Variants in CNTNAP3B observed in about 807,000 individuals in gnomAD.
The protein encoded by CNTNAP3B is contactin-associated protein-like 3B.
CNTNAP3B carries 25 observed loss-of-function variants against 108.9 expected under a neutral mutation model. The ratio of observed to expected loss-of-function variants is 0.23; its 90% CI spans 0.17 to 0.32. The LOEUF (loss-of-function observed/expected upper bound fraction) is 0.32. CNTNAP3B is among the 10% of genes least tolerant of loss of function. CNTNAP3B has a pLI of 1.00. For synonymous variants in CNTNAP3B, 103 were observed against 473.4 expected (o/e 0.22, Z 10.16); for missense variants, 252 against 1,210.4 (o/e 0.21, Z 11.75).
chr9:42,098,440 G>A (rs1471403521), intron 2 of CNTNAP3B, among the ~76,000 whole-genome samples: 10 of 115,980 alleles, frequency 8.6e-5, no homozygotes, highest in South Asian at 8.5e-4. Context: ...AAAATTAGCC[G>A]GGCATGGTGG....
chr9:41,973,121 T>C (rs1322267252), intron 9 of CNTNAP3B, among the ~76,000 whole-genome samples: 1 of 142,612 alleles, frequency 7.0e-6, no homozygotes, highest in Non-Finnish European at 1.5e-5. Flanking sequence ...TTTTTTGTAT[T>C]TTTTTTCAGT....
At chr9:41,935,229 T>C (rs1452333309) in intron 14 of CNTNAP3B, among the ~76,000 whole-genome samples, 1 of 152,286 alleles carries the variant, frequency 6.6e-6, no homozygotes, top group Non-Finnish European at 1.5e-5. Flanking sequence ...AACTGTCTGA[T>C]CATAAACTTT....
At chr9:41,915,926 C>T (rs1213468022) in intron 18 of CNTNAP3B, among the ~76,000 whole-genome samples, 2 of 151,228 alleles carry the variant, frequency 1.3e-5, no homozygotes, top group Non-Finnish European at 3.0e-5. Flanking sequence ...TTATATATAT[C>T]TTATCAATAA....
chr9:41,919,533 C>G (rs1436259395), intron 18 of CNTNAP3B, among the ~76,000 whole-genome samples: 2 of 152,312 alleles, frequency 1.3e-5, no homozygotes, highest in Non-Finnish European at 2.9e-5. Context: ...TAATGACTGT[C>G]AATATTTAAA....
At chr9:42,120,699 A>C (rs1258554035) in intron 1 of CNTNAP3B, among the ~76,000 whole-genome samples, 2 of 135,716 alleles carry the variant, frequency 1.5e-5, no homozygotes, top group African/African-American at 5.9e-5. Context: ...GGAAACCATC[A>C]TTCTCAGCAA....
chr9:42,121,277 G>A lies in CNTNAP3B; in HGVS notation c.85+7733C>T, dbSNP rs1265675295. ...ACCAGCTCAATGACACCCCCTTTTG[G>A]TGGATTTTTCTTCTCTATTCCATTC... is the stretch of plus-strand genomic sequence containing the variant. On this transcript the variant is annotated intron_variant, in intron 1 of 23. Coordinates refer to ENST00000377561, the MANE Select transcript of CNTNAP3B (RefSeq NM_001201380.3). Among the ~76,000 whole-genome samples the A allele has an allele frequency of 2.2e-5, 3 of 138,806 alleles. 1 individual carries two copies. Among genetic ancestry groups the A allele is most frequent in the African/African-American group, 5.7e-5 (2 of 34,812 alleles). 91.1% of individuals were successfully genotyped at this position (138,806 alleles called of 152,430 possible). A position where few individuals can be genotyped will look rare whatever the true frequency, so the allele number is the denominator to read the frequency against.
intron 1 of CNTNAP3B, among the ~76,000 whole-genome samples, chr9:42,124,796 C>T (rs1451739921): frequency 7.6e-6 from 1 of 130,934 alleles, no homozygotes; most frequent in Non-Finnish European, 1.6e-5. Flanking sequence ...CCAATTACAT[C>T]TTTGTCATTC....
chr9:41,933,721 G>A (rs1207608341), intron 14 of CNTNAP3B, among the ~76,000 whole-genome samples: 1 of 152,240 alleles, frequency 6.6e-6, no homozygotes, highest in Non-Finnish European at 1.5e-5. Flanking sequence ...TATCTGCCAG[G>A]TTTGTTTCTT....
At chr9:42,114,940 G>T (rs1408200326) in intron 1 of CNTNAP3B, among the ~76,000 whole-genome samples, 1 of 135,508 alleles carries the variant, frequency 7.4e-6, no homozygotes, top group African/African-American at 3.0e-5. Context: ...TGCAATCCCA[G>T]CTACTCGGGA....
rs1422732379 is a variant in CNTNAP3B, at chr9:42,128,606, G to A, written c.85+404C>T. Among the ~76,000 whole-genome samples the A allele has an allele frequency of 8.1e-5, 10 of 123,452 alleles. No individual in the cohort carries two copies. The East Asian group carries it at 2.0e-3, about 24-fold the overall frequency. The allele number at this position is 123,452 out of a possible 152,430, so 81.0% of individuals were successfully genotyped here. ...AAAACTGTAAGCTGCTAACATCTAA[G>A]TTGATGCAGTATGATGTAATGTCTG... On this transcript the variant is annotated intron_variant, in intron 1 of 23. Transcript: ENST00000377561.
chr9:42,076,406 A>G (rs1827491001), intron 3 of CNTNAP3B, among the ~76,000 whole-genome samples: 1 of 133,058 alleles, frequency 7.5e-6, no homozygotes, highest in Admixed American at 7.5e-5. Context: ...AGTCTGGGTG[A>G]TAACAGCGAA....
chr9:41,943,012 A>C (rs1405612798), intron 13 of CNTNAP3B, among the ~76,000 whole-genome samples: 136 of 152,322 alleles, frequency 8.9e-4, no homozygotes, highest in African/African-American at 3.2e-3. Flanking sequence ...CGAATCAAGC[A>C]AACATGCAGT....
intron 3 of CNTNAP3B, among the ~76,000 whole-genome samples, chr9:42,055,111 A>G (rs1331172908): frequency 1.4e-5 from 2 of 138,696 alleles, no homozygotes; most frequent in Admixed American, 7.2e-5. Flanking sequence ...TAAAATCACT[A>G]CTTATTATTA....
chr9:41,967,368 G>A lies in CNTNAP3B; in HGVS notation c.1649+2706C>T, dbSNP rs1049321901. On this transcript the variant is annotated intron_variant, in intron 10 of 23. Transcript: ENST00000377561. ...AGTTTCCCTGCACAGGTTCTCTTGC[G>A]TGCTGCCATATAAGACGTGTCTTGT... is the stretch of plus-strand genomic sequence containing the variant. Among the ~76,000 whole-genome samples, 16 of 151,942 alleles carry A rather than the reference G, an allele frequency of 1.1e-4. No individual in the cohort carries two copies. In the East Asian group the frequency reaches 1.6e-3, roughly 15 times the overall value.
rs751188007 is a variant in CNTNAP3B, at chr9:41,953,313, G to T, written c.1950C>A (p.His650Gln). Reference protein sequence around the residue: ...AVTLRGAPSGHPLSAVSFAYA... With the variant: ...AVTLRGAPSGQPLSAVSFAYA... The stretch of plus-strand genomic sequence containing the variant: ...ACGCGAAGGACACAGCCGAGAGCGG[G>T]TGCCCGCTGGGGGCACCTCGGAGGG... The change falls in exon 13 of 24, where the codon CAC (histidine) becomes CAA (glutamine). Residue 650 changes from histidine to glutamine, a missense_variant. Physicochemically the swap from His to Gln is conservative, Grantham distance 24. Transcript: ENST00000377561. The T allele has an allele frequency of 6.5e-7, 1 of 1,540,440 alleles. No individual in the cohort carries two copies. Among genetic ancestry groups the T allele is most frequent in the Middle Eastern group, 2.1e-4 (1 of 4,654 alleles).
chr9:41,972,860 G>A (rs1347659333), intron 9 of CNTNAP3B, among the ~76,000 whole-genome samples: 1 of 134,968 alleles, frequency 7.4e-6, no homozygotes, highest in South Asian at 2.5e-4. Flanking sequence ...TTCCAGTAAT[G>A]AATTATAGGA....
intron 18 of CNTNAP3B, among the ~76,000 whole-genome samples, chr9:41,915,638 G>C (rs575409608): frequency 1.4e-5 from 2 of 142,724 alleles, no homozygotes; most frequent in South Asian, 2.2e-4. Flanking sequence ...TATTGAGAAA[G>C]TTCCCTTCTA....
chr9:42,098,143 T>C (rs1827948215), intron 2 of CNTNAP3B, among the ~76,000 whole-genome samples: 1 of 139,298 alleles, frequency 7.2e-6, no homozygotes, highest in South Asian at 2.3e-4. Context: ...AAAAAGTTGA[T>C]TATTGGAGTT....
chr9:42,116,649 A>T (rs1280197980), intron 1 of CNTNAP3B, among the ~76,000 whole-genome samples: 1 of 139,900 alleles, frequency 7.1e-6, no homozygotes, highest in East Asian at 2.2e-4. Context: ...CATCATAATG[A>T]CAGGATCAAA....
Sources: allele counts gnomAD v4.1 joint callset (sites outside exome capture counted in the v4.1 genomes callset), GRCh38; gene constraint gnomAD v4.1.1; transcripts MANE v1.5; gene names NCBI Gene and HGNC (gene_info 2026-07-23, HGNC 2026-07-21).